Variants in PPP3R1 observed in about 807,000 individuals in gnomAD.
PPP3R1 encodes the protein calcineurin subunit B type 1.
Under a neutral mutation model 22.6 loss-of-function variants are expected in PPP3R1, and 5 were observed. The ratio of observed to expected loss-of-function variants is 0.22; its 90% CI spans 0.12 to 0.46. The LOEUF is 0.46. Ranked by LOEUF, PPP3R1 falls within the 20% of genes least tolerant of loss-of-function variation. The pLI is 0.99. For missense variants in PPP3R1, 61 were observed against 203.2 expected, an observed-to-expected ratio of 0.30 and a Z score of 4.25; for synonymous variants, 56 against 65.2, an observed-to-expected ratio of 0.86 and a Z score of 0.68.
intron 1 of PPP3R1, 99 bp from the exon 2 acceptor site, chr2:68,217,230 G>T: frequency 3.9e-6 from 3 of 761,224 alleles, no homozygotes; most frequent in Non-Finnish European, 6.5e-6. Context: ...AGGGAAATAA[G>T]CCATAAACTA....
intron 2 of PPP3R1, among the ~76,000 whole-genome samples, chr2:68,189,745 T>C (rs1417863458): frequency 6.6e-6 from 1 of 152,052 alleles, no homozygotes; most frequent in Non-Finnish European, 1.5e-5. Flanking sequence ...GGCACGCACC[T>C]CTAATCCCAG....
rs1482719616 is a variant in PPP3R1, at chr2:68,197,081, CATT to C, written c.44-8394_44-8392del. On this transcript the variant is annotated intron_variant, in intron 2 of 5. Coordinates refer to ENST00000234310, the MANE Select transcript of PPP3R1 (RefSeq NM_000945.4). The stretch of plus-strand genomic sequence containing the variant: ...GAGGAATAACTACCTTCAAATGATG[CATT>C]ATTAAGTATATGGTTATATAAGTTT... Among the ~76,000 whole-genome samples the C allele has an allele frequency of 5.3e-5, 8 of 152,114 alleles. No individual in the cohort carries two copies. The East Asian group carries it at 1.5e-3, about 29-fold the overall frequency.
chr2:68,234,067 G>C (rs1004603421), intron 1 of PPP3R1, among the ~76,000 whole-genome samples: 1 of 152,156 alleles, frequency 6.6e-6, no homozygotes, highest in African/African-American at 2.4e-5. Context: ...CTTAAGGCCG[G>C]GCACGGTGGC....
At chr2:68,209,369 A>AAC (rs1669423663) in intron 2 of PPP3R1, among the ~76,000 whole-genome samples, 1 of 78,810 alleles carries the variant, frequency 1.3e-5, no homozygotes, top group East Asian at 2.7e-4. Context: ...AAAAAAAAAA[A>AAC]AAAAAAAAAA....
intron 2 of PPP3R1, among the ~76,000 whole-genome samples, chr2:68,212,437 A>G (rs1051717014): frequency 3.3e-5 from 5 of 152,198 alleles, no homozygotes; most frequent in African/African-American, 1.2e-4. Flanking sequence ...ATGACTATCA[A>G]AGGCAGCTAC....
chr2:68,225,813 A>T (rs1177676627), intron 1 of PPP3R1, among the ~76,000 whole-genome samples: 1 of 152,212 alleles, frequency 6.6e-6, no homozygotes, highest in Non-Finnish European at 1.5e-5. Context: ...TATTTCAAAA[A>T]AACAGTGTGT....
intron 5 of PPP3R1, among the ~76,000 whole-genome samples, chr2:68,186,255 T>C (rs1011302206): frequency 2.0e-5 from 3 of 152,114 alleles, no homozygotes; most frequent in African/African-American, 7.2e-5. Context: ...TAGTTGTAAT[T>C]TGAGAGGCTA....
intron 1 of PPP3R1, among the ~76,000 whole-genome samples, chr2:68,228,759 T>C (rs1490444221): frequency 6.6e-6 from 1 of 152,094 alleles, no homozygotes; most frequent in African/African-American, 2.4e-5. Context: ...TTTCTTTTCC[T>C]CTTCTCAAAT....
At chr2:68,234,284 A>G (rs1195491867) in intron 1 of PPP3R1, among the ~76,000 whole-genome samples, 1 of 151,988 alleles carries the variant, frequency 6.6e-6, no homozygotes, top group Non-Finnish European at 1.5e-5. Context: ...CGGAACTTGC[A>G]GTGAGCCGAG....
intron 5 of PPP3R1, among the ~76,000 whole-genome samples, chr2:68,181,895 A>G (rs1292803983): frequency 6.6e-6 from 1 of 152,202 alleles, no homozygotes; most frequent in Non-Finnish European, 1.5e-5. Flanking sequence ...GAATACTGAC[A>G]TGGTAATGTG....
intron 2 of PPP3R1, among the ~76,000 whole-genome samples, chr2:68,195,665 T>C (rs1322956150): frequency 6.6e-6 from 1 of 152,194 alleles, no homozygotes; most frequent in Non-Finnish European, 1.5e-5. Context: ...CGTCTTTCTT[T>C]CTACATTAAT....
intron 1 of PPP3R1, among the ~76,000 whole-genome samples, chr2:68,233,141 C>T (rs889992521): frequency 2.6e-5 from 4 of 152,018 alleles, no homozygotes; most frequent in Admixed American, 6.6e-5. Flanking sequence ...ACGAATGAGA[C>T]AAGATTCTAT....
intron 1 of PPP3R1, among the ~76,000 whole-genome samples, chr2:68,223,694 T>G (rs1669729648): frequency 6.6e-6 from 1 of 151,964 alleles, no homozygotes; most frequent in African/African-American, 2.4e-5. Flanking sequence ...GGACTATTTC[T>G]CTATCTATAA....
intron 2 of PPP3R1, among the ~76,000 whole-genome samples, chr2:68,193,400 C>A (rs759358530): frequency 6.6e-6 from 1 of 152,030 alleles, no homozygotes; most frequent in Non-Finnish European, 1.5e-5. Context: ...CTTTCAGCTA[C>A]GATTACGATG....
At chr2:68,189,873 A>T (rs1396010239) in intron 2 of PPP3R1, among the ~76,000 whole-genome samples, 1 of 152,124 alleles carries the variant, frequency 6.6e-6, no homozygotes, top group Non-Finnish European at 1.5e-5. Flanking sequence ...CATCTCAAAA[A>T]ATTAAAAATA....
intron 2 of PPP3R1, among the ~76,000 whole-genome samples, chr2:68,197,382 G>A (rs1467524110): frequency 6.6e-6 from 1 of 152,132 alleles, no homozygotes; most frequent in Non-Finnish European, 1.5e-5. Flanking sequence ...ATACTGCAGA[G>A]CAGTATAGTC....
intron 2 of PPP3R1, among the ~76,000 whole-genome samples, chr2:68,213,960 T>C (rs186335623): frequency 3.3e-5 from 5 of 152,130 alleles, no homozygotes; most frequent in African/African-American, 1.2e-4. Flanking sequence ...CAAAAACAGA[T>C]ATACAGACCA....
At chr2:68,243,102 C>T (rs895912837) in intron 1 of PPP3R1, among the ~76,000 whole-genome samples, 2 of 152,020 alleles carry the variant, frequency 1.3e-5, no homozygotes, top group African/African-American at 4.8e-5. Context: ...CTTTTTACTA[C>T]TTACAAGAAA....
intron 5 of PPP3R1, among the ~76,000 whole-genome samples, chr2:68,181,775 C>G (rs192972466): frequency 6.6e-6 from 1 of 151,952 alleles, no homozygotes; most frequent in Non-Finnish European, 1.5e-5. Flanking sequence ...ATCAAATATG[C>G]GTGTCACTCT....
Sources: gnomAD v4.1 joint callset for allele counts (sites outside exome capture counted in the v4.1 genomes callset) on GRCh38, gnomAD v4.1.1 for gene constraint, MANE v1.5 for transcripts, NCBI Gene and HGNC (gene_info 2026-07-23, HGNC 2026-07-21) for gene names.